The following MOK variants were observed in gnomAD, a reference collection of about 807,000 sequenced individuals.
MOK encodes MOK protein kinase.
A neutral mutation model predicts 54.2 loss-of-function variants in MOK; 59 were observed. That is an observed-to-expected ratio of 1.09 (90% confidence interval 0.88 to 1.35). The LOEUF (loss-of-function observed/expected upper bound fraction) is 1.35. MOK is among the 40% of genes most tolerant of loss of function. The probability of loss-of-function intolerance (pLI) is 0.00; values close to 1 mark genes in which losing one functional copy is unlikely to be tolerated. For synonymous variants in MOK, 210 were observed against 202.7 expected (o/e 1.04, Z -0.31); for missense variants, 517 against 526.2 (o/e 0.98, Z 0.17).
chr14:102,237,363 A>G (rs893053052), intron 7 of MOK, among the ~76,000 whole-genome samples: 7 of 152,160 alleles, frequency 4.6e-5, no homozygotes, highest in African/African-American at 1.7e-4. Context: ...CCACCTCCAT[A>G]GTAACTTACC....
chr14:102,300,155 C>A (rs2071999495), intron 1 of MOK, among the ~76,000 whole-genome samples: 1 of 151,970 alleles, frequency 6.6e-6, no homozygotes, highest in Non-Finnish European at 1.5e-5. Context: ...GAAACCCGAT[C>A]TCTACTAAAA....
chr14:102,225,599 T>G (rs1037395480), downstream of MOK: 7 of 152,708 alleles, frequency 4.6e-5, no homozygotes, highest in African/African-American at 1.4e-4. Context: ...GGTTCTGGAA[T>G]GCAGTTTGCA....
At chr14:102,260,176 CAAAAAAAA>C (rs770385409) in intron 4 of MOK, among the ~76,000 whole-genome samples, 929 of 76,274 alleles carry the variant, frequency 0.012, 18 homozygotes, top group African/African-American at 0.039. Flanking sequence ...AACTCCATCT[CAAAAAAAA>C]AAAAAAAAAA....
rs538214684 is a variant in MOK at position 102,286,168 on chromosome 14, G to A, written c.8-2576C>T. Among the ~76,000 whole-genome samples, 6 of 151,524 alleles carry A rather than the reference G, an allele frequency of 4.0e-5. No homozygotes were observed. The South Asian group carries it at 6.3e-4, about 16-fold the overall frequency. On this transcript the variant is annotated intron_variant, in intron 1 of 11. Transcript: ENST00000361847. ...CAAAAAATTAGCCGGGCGTGGTGGC[G>A]GGTGCCTGTAGTCCCAGCTACTCGG...
chr14:102,263,164 T>C (rs977389333), intron 4 of MOK, among the ~76,000 whole-genome samples: 1 of 152,274 alleles, frequency 6.6e-6, no homozygotes, highest in African/African-American at 2.4e-5. Context: ...AGCTCTGCCT[T>C]AAGAGGCATG....
At chr14:102,259,715 C>T (rs754429766) in intron 4 of MOK, among the ~76,000 whole-genome samples, 1 of 152,160 alleles carries the variant, frequency 6.6e-6, no homozygotes, top group African/African-American at 2.4e-5. Context: ...ACTTATCTCC[C>T]CATGCCTCAA....
chr14:102,287,865 G>A (rs574509753), intron 1 of MOK, among the ~76,000 whole-genome samples: 26 of 134,950 alleles, frequency 1.9e-4, no homozygotes, highest in Admixed American at 1.1e-3. Flanking sequence ...TTGCTCTGTC[G>A]CCCAGGCCGG....
At chr14:102,276,673 C>A (rs964371693) in intron 2 of MOK, among the ~76,000 whole-genome samples, 5 of 151,656 alleles carry the variant, frequency 3.3e-5, no homozygotes, top group African/African-American at 1.2e-4. Flanking sequence ...TGCCTGTAAT[C>A]CCAGCTACTC....
rs2068120208 is a variant in MOK at position 102,268,853 on chromosome 14, T to C, written c.123-2941A>G. On this transcript the variant is annotated intron_variant, in intron 2 of 11. Coordinates refer to ENST00000361847, the MANE Select transcript of MOK (RefSeq NM_014226.3). The stretch of plus-strand genomic sequence containing the variant: ...TGGCGTAAACCTGGGAGGTGGAGCT[T>C]GCAGTAAGCCGAAATCACGCCACTG... Among the ~76,000 whole-genome samples, 3 of 150,326 alleles carry C rather than the reference T, an allele frequency of 2.0e-5. No homozygotes were observed. In the Admixed American group the frequency reaches 2.0e-4, roughly 10 times the overall value.
rs1446946264 is a variant in MOK, at chr14:102,263,629, G to C, written c.213-13C>G. Reference sequence around the variant, plus strand: ...AGATTTTCTGTCACTGAAGAAGAAAGCAAGTTTTTAAAATAAATTTTCTGG... The same window carrying C: ...AGATTTTCTGTCACTGAAGAAGAAACCAAGTTTTTAAAATAAATTTTCTGG... On this transcript the variant is annotated splice_polypyrimidine_tract_variant and intron_variant, in intron 3 of 11. Coordinates refer to ENST00000361847, the MANE Select transcript of MOK (RefSeq NM_014226.3). 2 of 1,580,870 alleles carry C rather than the reference G, an allele frequency of 1.3e-6. No homozygotes were observed. The highest frequency in any genetic ancestry group is 2.7e-5 in the African/African-American group (2 of 73,408).
chr14:102,231,772 C>T lies in MOK; in HGVS notation c.916G>A (p.Glu306Lys). 1 of 1,612,688 alleles carries T rather than the reference C, an allele frequency of 6.2e-7. No individual in the cohort carries two copies. Among genetic ancestry groups the T allele is most frequent in the African/African-American group, 1.3e-5 (1 of 75,022 alleles). Residue 306 changes from glutamate (E) to lysine (K), a missense_variant, in exon 10 of 12, where the codon GAG (glutamate) becomes AAG (lysine). Glu to Lys is a moderately conservative substitution (Grantham distance 56). Coordinates refer to ENST00000361847, the MANE Select transcript of MOK (RefSeq NM_014226.3). This position sits in a 1 kb window ranked among gnomAD's most constrained non-coding sequence, Gnocchi z 4.4. ...AGTGGTTCCGGTGCCACAGGGTGCT[C>T]CGGAAAGCCAGCTTTTCTGTGGCTG... ...LGSHRKAGFP[E>K]HPVAPEPLSN... is the part of the protein sequence containing the mutation.
downstream of MOK, among the ~76,000 whole-genome samples, chr14:102,221,878 T>C (rs988442423): frequency 6.6e-6 from 1 of 152,228 alleles, no homozygotes; most frequent in Non-Finnish European, 1.5e-5. The surrounding 1 kb of genome is among the most constrained non-coding windows in gnomAD (Gnocchi z 4.8). Context: ...AGCTAAGTTG[T>C]ATTCCCAGAG....
rs551595065 is a variant in MOK, at chr14:102,256,505, C to T, written c.284-4510G>A. ...AGGAGAATGGCGTGAACCCGGGAGG[C>T]GGAGCTTGCAGTGAGCTGAGATCGC... On this transcript the variant is annotated intron_variant, in intron 4 of 11. Transcript: ENST00000361847. 3.4e-3 allele frequency among the ~76,000 whole-genome samples: 510 copies of T among 151,618 alleles called. 3 individuals are homozygous for T. Among genetic ancestry groups the T allele is most frequent in the African/African-American group, 0.011 (474 of 41,344 alleles).
downstream of MOK, among the ~76,000 whole-genome samples, chr14:102,226,612 C>G (rs1395240487): frequency 6.6e-6 from 1 of 152,180 alleles, no homozygotes; most frequent in Non-Finnish European, 1.5e-5. This position sits in a 1 kb window ranked among gnomAD's most constrained non-coding sequence, Gnocchi z 4.8. Context: ...CCCAGACGGA[C>G]ACAGGGAACC....
intron 2 of MOK, among the ~76,000 whole-genome samples, chr14:102,279,363 T>C (rs1317198977): frequency 6.6e-6 from 1 of 152,046 alleles, no homozygotes; most frequent in Admixed American, 6.6e-5. Flanking sequence ...GGCACAATCA[T>C]GGCTCACTGC....
Position 102,249,484 on chromosome 14 carries a change from C to T in MOK, c.590+1328G>A, listed in dbSNP as rs577985065. On this transcript the variant is annotated intron_variant, in intron 7 of 11. Transcript: ENST00000361847. This position sits in a 1 kb window ranked among gnomAD's most constrained non-coding sequence, Gnocchi z 5.3. The stretch of plus-strand genomic sequence containing the variant: ...CAGCACTTTGGGAGGCTGAGGCAGG[C>T]GGATTACCTGAAGTCAGGAGTTCAA... Among the ~76,000 whole-genome samples the T allele has an allele frequency of 2.5e-4, 38 of 152,112 alleles. No homozygotes were observed. Among genetic ancestry groups the T allele is most frequent in the Non-Finnish European group, 2.9e-4 (20 of 67,994 alleles).
At chr14:102,277,061 C>A (rs1217748016) in intron 2 of MOK, among the ~76,000 whole-genome samples, 2 of 122,844 alleles carry the variant, frequency 1.6e-5, no homozygotes, top group African/African-American at 6.2e-5. Context: ...TACTAAAAGT[C>A]TTTCTTCATA....
chr14:102,305,018 G>T lies in MOK; in HGVS notation c.-50C>A, dbSNP rs373160554. On this transcript the variant is annotated 5_prime_UTR_variant, in exon 1 of 12. Coordinates refer to ENST00000361847, the MANE Select transcript of MOK (RefSeq NM_014226.3). ...CCCCTTGCCGACACTGGACGGAAAAGAAAGAAGCAGGAAGGTTGTCCCCCT... is the reference window on the plus strand; with the variant it reads ...CCCCTTGCCGACACTGGACGGAAAATAAAGAAGCAGGAAGGTTGTCCCCCT... 132 of 1,600,164 alleles carry T rather than the reference G, an allele frequency of 8.2e-5. No individual in the cohort carries two copies. The highest frequency in any genetic ancestry group is 1.1e-4 in the Non-Finnish European group (127 of 1,173,330).
At chr14:102,234,126 C>CCTGA (rs1344088991) in intron 7 of MOK, 4 of 226,916 alleles carry the variant, frequency 1.8e-5, no homozygotes. Flanking sequence ...AACTTGCTTG[C>CCTGA]CTGACTTTAG....
Sources: allele counts gnomAD v4.1 joint callset (sites outside exome capture counted in the v4.1 genomes callset), GRCh38; gene constraint gnomAD v4.1.1; non-coding constraint Gnocchi (gnomAD v3.1); transcripts MANE v1.5; gene names NCBI Gene and HGNC (gene_info 2026-07-23, HGNC 2026-07-21).